The following DLG1 variants were observed in gnomAD, a reference collection of about 807,000 sequenced individuals.
DLG1 encodes the protein discs large MAGUK scaffold protein 1.
A neutral mutation model predicts 123.4 loss-of-function variants in DLG1; 42 were observed. The observed-to-expected ratio is 0.34, with a 90% CI of 0.27 to 0.44. DLG1 has a LOEUF of 0.44. Ranked by LOEUF, DLG1 falls within the 20% of genes least tolerant of loss-of-function variation. The pLI is 1.00. For missense variants in DLG1, 942 were observed against 1,082.6 expected (o/e 0.87, Z 1.82); for synonymous variants, 317 against 356.2 (o/e 0.89, Z 1.24).
intron 4 of DLG1, among the ~76,000 whole-genome samples, chr3:197,246,575 A>G (rs546071841): frequency 6.6e-6 from 1 of 152,198 alleles, no homozygotes; most frequent in Admixed American, 6.5e-5. Flanking sequence ...GACTGAATAA[A>G]TTTGGGCCAC....
chr3:197,145,242 A>T (rs1790159509), intron 6 of DLG1, among the ~76,000 whole-genome samples: 1 of 152,140 alleles, frequency 6.6e-6, no homozygotes, highest in Admixed American at 6.5e-5. Context: ...TCTAAAGGTT[A>T]TTTGCATCAT....
chr3:197,289,833 A>G (rs1311869468), intron 3 of DLG1, among the ~76,000 whole-genome samples: 1 of 152,152 alleles, frequency 6.6e-6, no homozygotes, highest in Admixed American at 6.5e-5. Context: ...CACACTAAAG[A>G]AAGGAAAGAT....
intron 4 of DLG1, among the ~76,000 whole-genome samples, chr3:197,211,590 TAA>T (rs1578135323): frequency 6.8e-6 from 1 of 146,086 alleles, no homozygotes; most frequent in East Asian, 2.0e-4. Context: ...TGGTTATTAT[TAA>T]AAAGTCAAAA....
intron 5 of DLG1, among the ~76,000 whole-genome samples, chr3:197,172,806 C>T (rs942507147): frequency 3.3e-5 from 5 of 152,194 alleles, no homozygotes; most frequent in African/African-American, 1.2e-4. Flanking sequence ...TCATGTTGTT[C>T]TCTATCTAGC....
Position 197,114,987 on chromosome 3 carries a change from GAAAAAAA to G in DLG1, c.1443+933_1443+939del, listed in dbSNP as rs375841391. On this transcript the variant is annotated intron_variant, in intron 13 of 24. Transcript: ENST00000667157. ...CAACAGAGCGAGACTCCATCTCAAGGAAAAAAAAAAAAAAAAAAAAAAAGGGAAATTT... is the reference window on the plus strand; with the variant it reads ...CAACAGAGCGAGACTCCATCTCAAGGAAAAAAAAAAAAAAAAGGGAAATTT... 9.1e-4 allele frequency among the ~76,000 whole-genome samples: 78 copies of G among 86,062 alleles called. No individual in the cohort carries two copies. In the Middle Eastern group the frequency reaches 0.033, roughly 37 times the overall value. 56.5% of individuals were successfully genotyped at this position (86,062 alleles called of 152,430 possible).
At chr3:197,278,373 G>A (rs1209106440) in intron 4 of DLG1, among the ~76,000 whole-genome samples, 1 of 150,716 alleles carries the variant, frequency 6.6e-6, no homozygotes, top group Non-Finnish European at 1.5e-5. Context: ...AGTAGGCTGA[G>A]GCAGGATGAT....
chr3:197,052,776 A>G (rs1357756740), intron 23 of DLG1, among the ~76,000 whole-genome samples: 1 of 152,206 alleles, frequency 6.6e-6, no homozygotes, highest in Non-Finnish European at 1.5e-5. Flanking sequence ...GGTTTCTATC[A>G]CAAATAAATG....
At chr3:197,182,853 T>C (rs182968448) in intron 5 of DLG1, among the ~76,000 whole-genome samples, 7 of 152,254 alleles carry the variant, frequency 4.6e-5, no homozygotes, top group Admixed American at 4.6e-4. Flanking sequence ...TTTCCTCCCA[T>C]AGACAATAGC....
intron 7 of DLG1, among the ~76,000 whole-genome samples, chr3:197,141,342 AT>A (rs1787856223): frequency 6.6e-6 from 1 of 152,226 alleles, no homozygotes; most frequent in Non-Finnish European, 1.5e-5. Flanking sequence ...AACAAAAGGA[AT>A]TTAAAAGGCC....
At chr3:197,120,225 C>A (rs570180068) in intron 11 of DLG1, among the ~76,000 whole-genome samples, 4 of 148,976 alleles carry the variant, frequency 2.7e-5, no homozygotes, top group African/African-American at 9.9e-5. Context: ...CGCATCACTG[C>A]ACTCCAGCCT....
intron 5 of DLG1, among the ~76,000 whole-genome samples, chr3:197,151,317 ATGCAGTGGAAAAAG>A (rs1275957511): frequency 2.0e-5 from 3 of 152,212 alleles, no homozygotes; most frequent in African/African-American, 4.8e-5. Context: ...TTTACCAAAC[ATGCAGTGGAAAAAG>A]TTGGTTTTTA....
chr3:197,050,914 C>T (rs1233191574), intron 24 of DLG1, among the ~76,000 whole-genome samples: 2 of 152,112 alleles, frequency 1.3e-5, no homozygotes, highest in Non-Finnish European at 1.5e-5. Context: ...CGAATTTTGT[C>T]AATTATACCT....
At chr3:197,293,407 T>C (rs899297881) in intron 3 of DLG1, among the ~76,000 whole-genome samples, 1 of 152,240 alleles carries the variant, frequency 6.6e-6, no homozygotes, top group African/African-American at 2.4e-5. Context: ...GATTTCTATA[T>C]TACATTGCGA....
At chr3:197,196,857 A>G (rs1450062959) in intron 4 of DLG1, among the ~76,000 whole-genome samples, 1 of 152,226 alleles carries the variant, frequency 6.6e-6, no homozygotes, top group Non-Finnish European at 1.5e-5. Flanking sequence ...ACATAAATAT[A>G]TTTAAAATTT....
At chr3:197,070,732 C>T (rs770405001) in intron 18 of DLG1, 5 of 151,610 alleles carry the variant, frequency 3.3e-5, no homozygotes, top group Admixed American at 1.3e-4. Context: ...AGCACCATGC[C>T]CAACTAATTT....
At chr3:197,132,305 G>C (rs903480288) in intron 10 of DLG1, among the ~76,000 whole-genome samples, 1 of 136,938 alleles carries the variant, frequency 7.3e-6, no homozygotes, top group African/African-American at 2.7e-5. Flanking sequence ...TTTTTTTTTT[G>C]CAAATAAGTA....
intron 14 of DLG1, among the ~76,000 whole-genome samples, chr3:197,100,305 T>C (rs1762781042): frequency 6.6e-6 from 1 of 152,206 alleles, no homozygotes; most frequent in African/African-American, 2.4e-5. Context: ...TCTACCTTTG[T>C]AACTCAAGAT....
chr3:197,070,846 A>T lies in DLG1; in HGVS notation c.2006-1586T>A, dbSNP rs540378068. 4.6e-5 allele frequency: 7 copies of T among 152,208 alleles called. No homozygotes were observed. The East Asian group carries it at 1.4e-3, about 29-fold the overall frequency. The allele number at this position is 152,208 out of a possible 1,614,324, so 9.4% of individuals were successfully genotyped here. A position where few individuals can be genotyped will look rare whatever the true frequency, so the allele number is the denominator to read the frequency against. On this transcript the variant is annotated intron_variant, in intron 18 of 24. Transcript: ENST00000667157. Reference sequence around the variant, plus strand: ...CTTGGCCTCCCAAAGTGCTGGGATTACAGGTGTGAGCCACCGCACCTGGCC... The same window carrying T: ...CTTGGCCTCCCAAAGTGCTGGGATTTCAGGTGTGAGCCACCGCACCTGGCC...
chr3:197,115,977 C>T lies in DLG1; in HGVS notation c.1393G>A (p.Gly465Arg), dbSNP rs1375333660. 6.2e-7 allele frequency: 1 copy of T among 1,613,052 alleles called. No homozygotes were observed. Residue 465 changes from glycine to arginine, a missense_variant, in exon 13 of 25, where the codon GGA becomes AGA. Physicochemically the swap from Gly to Arg is moderately radical, Grantham distance 125. Coordinates refer to ENST00000667157, the MANE Select transcript of DLG1 (RefSeq NM_001366207.1). ...AGCTCTCCACTTAGATCAGCAGGTC[C>T]TCCGGCTAAGATAAAGGAAATAAAT... The part of the protein sequence containing the change: ...GIFISFILAG[G>R]PADLSGELRK...
Sources: gnomAD v4.1 joint callset for allele counts (sites outside exome capture counted in the v4.1 genomes callset) on GRCh38, gnomAD v4.1.1 for gene constraint, MANE v1.5 for transcripts, NCBI Gene and HGNC (gene_info 2026-07-23, HGNC 2026-07-21) for gene names.